The following GALNTL6 variants were observed in gnomAD, a reference collection of about 807,000 sequenced individuals.
GALNTL6 encodes polypeptide N-acetylgalactosaminyltransferase-like 6.
A neutral mutation model predicts 73.7 loss-of-function variants in GALNTL6; 46 were observed. That is an observed-to-expected ratio of 0.62 (90% CI 0.49 to 0.80). The LOEUF (loss-of-function observed/expected upper bound fraction) is 0.80. GALNTL6 is among the 30% of genes least tolerant of loss of function. The pLI, the probability that GALNTL6 is intolerant of heterozygous loss-of-function variation, is 0.00. For synonymous variants in GALNTL6, 259 were observed against 263.7 expected (o/e 0.98, Z 0.17); for missense variants, 604 against 755.0 (o/e 0.80, Z 2.34).
intron 2 of GALNTL6, among the ~76,000 whole-genome samples, chr4:172,107,497 TA>T (rs1044973176): frequency 5.9e-5 from 9 of 151,734 alleles, no homozygotes; most frequent in Admixed American, 3.9e-4. Context: ...TATGCAGCCA[TA>T]AAAAATGATG....
At chr4:171,989,336 G>A (rs1166118762) in intron 2 of GALNTL6, among the ~76,000 whole-genome samples, 1 of 152,210 alleles carries the variant, frequency 6.6e-6, no homozygotes, top group Non-Finnish European at 1.5e-5. Context: ...GTCAGTCAGA[G>A]AGCCTTGGGC....
intron 2 of GALNTL6, among the ~76,000 whole-genome samples, chr4:172,087,182 G>C (rs192371507): frequency 2.0e-5 from 3 of 152,098 alleles, no homozygotes; most frequent in African/African-American, 7.2e-5. Context: ...AGTGGCTCAC[G>C]CCTGTAATCC....
intron 5 of GALNTL6, among the ~76,000 whole-genome samples, chr4:172,661,341 A>AT (rs1731359557): frequency 1.3e-5 from 2 of 152,194 alleles, no homozygotes; most frequent in South Asian, 2.1e-4. Flanking sequence ...ACTCCATCAG[A>AT]TTTTGGACTC....
intron 2 of GALNTL6, among the ~76,000 whole-genome samples, chr4:172,167,429 CA>C (rs1368449742): frequency 9.9e-5 from 15 of 152,064 alleles, no homozygotes; most frequent in Non-Finnish European, 1.5e-4. Flanking sequence ...CTTGTTAAAA[CA>C]AAATTCAGCG....
intron 2 of GALNTL6, among the ~76,000 whole-genome samples, chr4:171,872,175 C>T (rs1736155791): frequency 6.6e-6 from 1 of 152,058 alleles, no homozygotes; most frequent in Admixed American, 6.6e-5. Context: ...GTTGGAGAAA[C>T]ATTTTTTATT....
intron 5 of GALNTL6, among the ~76,000 whole-genome samples, chr4:172,466,842 T>C (rs1732840383): frequency 6.6e-6 from 1 of 152,204 alleles, no homozygotes; most frequent in South Asian, 2.1e-4. Flanking sequence ...TCTTGTTTCT[T>C]TTCTTTTTCT....
At chr4:171,847,666 T>C (rs571475150) in intron 2 of GALNTL6, among the ~76,000 whole-genome samples, 28 of 152,306 alleles carry the variant, frequency 1.8e-4, no homozygotes, top group African/African-American at 6.0e-4. Context: ...ATTTCAACAA[T>C]GTTCACACCC....
intron 10 of GALNTL6, among the ~76,000 whole-genome samples, chr4:172,971,975 T>C (rs574006008): frequency 6.6e-6 from 1 of 152,026 alleles, no homozygotes; most frequent in East Asian, 1.9e-4. Flanking sequence ...ACATTAAAAA[T>C]TAAAGAATAT....
intron 2 of GALNTL6, among the ~76,000 whole-genome samples, chr4:171,906,919 A>G (rs1737301654): frequency 6.6e-6 from 1 of 152,232 alleles, no homozygotes; most frequent in East Asian, 1.9e-4. Context: ...ATAGATGCAG[A>G]AAAGCCCTTT....
chr4:171,974,816 C>T (rs1739672306), intron 2 of GALNTL6, among the ~76,000 whole-genome samples: 1 of 152,096 alleles, frequency 6.6e-6, no homozygotes, highest in African/African-American at 2.4e-5. Context: ...GTAATTTTTG[C>T]AATGATCATT....
chr4:172,893,669 C>G (rs945279671), intron 8 of GALNTL6, among the ~76,000 whole-genome samples: 7 of 152,224 alleles, frequency 4.6e-5, no homozygotes, highest in African/African-American at 1.7e-4. Context: ...AAGCCCTGCT[C>G]TCTCCCAGCC....
At chr4:171,859,640 G>A (rs1735778951) in intron 2 of GALNTL6, among the ~76,000 whole-genome samples, 1 of 152,214 alleles carries the variant, frequency 6.6e-6, no homozygotes, top group Admixed American at 6.5e-5. Flanking sequence ...CTTCTAGGCA[G>A]AGATAGTAGA....
intron 11 of GALNTL6, among the ~76,000 whole-genome samples, chr4:173,011,727 T>C (rs1279554308): frequency 1.3e-5 from 2 of 152,224 alleles, no homozygotes; most frequent in Non-Finnish European, 2.9e-5. Context: ...TTCTGTTCTG[T>C]GTAAGACTTA....
intron 2 of GALNTL6, among the ~76,000 whole-genome samples, chr4:172,051,769 C>T (rs1730878662): frequency 6.6e-6 from 1 of 152,124 alleles, no homozygotes; most frequent in Non-Finnish European, 1.5e-5. Context: ...CCACTTAGGG[C>T]CATGGGTTTC....
At chr4:172,037,148 C>A (rs975412548) in intron 2 of GALNTL6, among the ~76,000 whole-genome samples, 5 of 152,138 alleles carry the variant, frequency 3.3e-5, no homozygotes, top group Non-Finnish European at 5.9e-5. Flanking sequence ...GCTAAGATAA[C>A]GGGCCCAGTG....
chr4:172,243,530 G>A (rs1167286914), intron 3 of GALNTL6, among the ~76,000 whole-genome samples: 1 of 152,100 alleles, frequency 6.6e-6, no homozygotes, highest in African/African-American at 2.4e-5. Flanking sequence ...TCCTACATTA[G>A]GAAAGTATCC....
intron 3 of GALNTL6, among the ~76,000 whole-genome samples, chr4:172,307,985 G>A (rs1401341169): frequency 7.2e-6 from 1 of 139,100 alleles, no homozygotes; most frequent in Admixed American, 7.1e-5. Flanking sequence ...CCATCCATGA[G>A]CATGGGATGT....
chr4:172,310,595 G>T (rs1740318980), intron 3 of GALNTL6, among the ~76,000 whole-genome samples: 1 of 151,972 alleles, frequency 6.6e-6, no homozygotes. Context: ...TTCTATAACT[G>T]CCTGAACATT....
chr4:172,676,372 G>A (rs1370573), intron 5 of GALNTL6, among the ~76,000 whole-genome samples: 152,237 of 152,328 alleles, frequency 1, 76,074 homozygotes, highest in Non-Finnish European at 1. Context: ...AGAAAAATTC[G>A]TGAAGCAACA....
Sources: allele counts gnomAD v4.1 joint callset (sites outside exome capture counted in the v4.1 genomes callset), GRCh38; gene constraint gnomAD v4.1.1; transcripts MANE v1.5; gene names NCBI Gene and HGNC (gene_info 2026-07-23, HGNC 2026-07-21).